SLC44A1: variants seen among roughly 807,000 people sequenced by gnomAD.
SLC44A1 encodes the protein solute carrier family 44 member 1.
In SLC44A1, 26 loss-of-function variants were observed where a neutral mutation model predicts 79.3. The observed-to-expected ratio is 0.33, with a 90% CI of 0.24 to 0.46. The LOEUF (loss-of-function observed/expected upper bound fraction) is 0.46. Ranked by LOEUF, SLC44A1 falls within the 20% of genes least tolerant of loss-of-function variation. The pLI, the probability that SLC44A1 is intolerant of heterozygous loss-of-function variation, is 1.00. For missense variants in SLC44A1, 688 were observed against 798.1 expected (o/e 0.86, Z 1.66); for synonymous variants, 263 against 286.2 (o/e 0.92, Z 0.82).
intron 2 of SLC44A1, among the ~76,000 whole-genome samples, chr9:105,306,609 G>T (rs1831039410): frequency 7.2e-6 from 1 of 139,122 alleles, no homozygotes; most frequent in Admixed American, 8.1e-5. Context: ...AAGCTACTAA[G>T]AAGTTTAAGT....
intron 15 of SLC44A1, 156 bp downstream of exon 15, chr9:105,385,658 T>G: frequency 2.0e-6 from 2 of 985,386 alleles, no homozygotes; most frequent in Non-Finnish European, 1.2e-6. Context: ...TACCCATCAC[T>G]TGGATGGCAG....
At chr9:105,264,604 T>C (rs1049928802) in intron 1 of SLC44A1, among the ~76,000 whole-genome samples, 1 of 152,246 alleles carries the variant, frequency 6.6e-6, no homozygotes, top group Non-Finnish European at 1.5e-5. Flanking sequence ...TATGCACTTA[T>C]AACTAATTGG....
At chr9:105,373,428 A>T (rs1828175464) in intron 12 of SLC44A1, among the ~76,000 whole-genome samples, 1 of 152,218 alleles carries the variant, frequency 6.6e-6, no homozygotes, top group Non-Finnish European at 1.5e-5. Context: ...TGGAAAAAAA[A>T]ATCAGTCTGT....
intron 15 of SLC44A1, among the ~76,000 whole-genome samples, chr9:105,387,710 T>C (rs1268138262): frequency 6.6e-6 from 1 of 152,178 alleles, no homozygotes; most frequent in Non-Finnish European, 1.5e-5. Flanking sequence ...GGGAGAAATA[T>C]TTCGAGGTTG....
chr9:105,281,790 A>G (rs1179394197), intron 1 of SLC44A1, among the ~76,000 whole-genome samples: 3 of 152,178 alleles, frequency 2.0e-5, no homozygotes, highest in Admixed American at 6.5e-5. Context: ...TCTTGGGTGG[A>G]CTTTGTGGAA....
At chr9:105,419,642 C>T (rs975571742) in intron 15 of SLC44A1, among the ~76,000 whole-genome samples, 2 of 152,112 alleles carry the variant, frequency 1.3e-5, no homozygotes, top group Non-Finnish European at 1.5e-5. Flanking sequence ...TAGCTGGGCG[C>T]GGTGGCCCAC....
Position 105,365,607 on chromosome 9 carries a change from C to T in SLC44A1, c.1378C>T (p.Leu460Phe). The T allele has an allele frequency of 6.2e-7, 1 of 1,613,766 alleles. No individual in the cohort carries two copies. The highest frequency in any genetic ancestry group is 8.5e-7 in the Non-Finnish European group (1 of 1,179,756). ...ITLVKIPRMI[L>F]MYIHSQLKGK... ...ATTAGTCAAAATTCCGCGAATGATC[C>T]TTATGTATATTCACAGTCAGCTCAA... is the stretch of plus-strand genomic sequence containing the variant. The change falls in exon 11 of 16, where the codon CTT (leucine) becomes TTT (phenylalanine). Residue 460 changes from leucine (L) to phenylalanine (F), a missense_variant. Coordinates refer to ENST00000374720, the MANE Select transcript of SLC44A1 (RefSeq NM_080546.5).
chr9:105,371,004 A>T (rs970556967), intron 12 of SLC44A1, among the ~76,000 whole-genome samples: 1 of 152,190 alleles, frequency 6.6e-6, no homozygotes, highest in African/African-American at 2.4e-5. Flanking sequence ...TAGTCTCTTG[A>T]TTATATCTTA....
At chr9:105,404,789 C>G (rs923599047) in intron 15 of SLC44A1, among the ~76,000 whole-genome samples, 13 of 152,206 alleles carry the variant, frequency 8.5e-5, no homozygotes, top group African/African-American at 2.9e-4. Flanking sequence ...GTCTCTGCCT[C>G]TTGCTGTAGA....
intron 1 of SLC44A1, among the ~76,000 whole-genome samples, chr9:105,282,913 A>G (rs1156691482): frequency 6.6e-6 from 1 of 152,178 alleles, no homozygotes; most frequent in Non-Finnish European, 1.5e-5. Context: ...ACGATATATC[A>G]TCTTCATATA....
intron 15 of SLC44A1, among the ~76,000 whole-genome samples, chr9:105,427,762 C>G (rs1418641102): frequency 1.3e-5 from 2 of 152,156 alleles, no homozygotes; most frequent in Non-Finnish European, 2.9e-5. Flanking sequence ...CCAAATTGCT[C>G]TCCAGAAAGG....
At chr9:105,334,467 A>G (rs113909391) in intron 3 of SLC44A1, among the ~76,000 whole-genome samples, 4,086 of 151,504 alleles carry the variant, frequency 0.027, 59 homozygotes, top group Middle Eastern at 0.062. Flanking sequence ...ATATTAGGTT[A>G]TATTTCCTGT....
chr9:105,309,909 A>G, intron 3 of SLC44A1, 43 bp downstream of exon 3: 1 of 1,582,580 alleles, frequency 6.3e-7, no homozygotes, highest in African/African-American at 1.3e-5. Flanking sequence ...AAACTTTGAA[A>G]GAGGCACAGA....
chr9:105,420,637 A>C (rs1271222252), intron 15 of SLC44A1, among the ~76,000 whole-genome samples: 1 of 152,080 alleles, frequency 6.6e-6, no homozygotes, highest in Non-Finnish European at 1.5e-5. Flanking sequence ...TGAAATGGGC[A>C]GATCACCTGA....
intron 3 of SLC44A1, among the ~76,000 whole-genome samples, chr9:105,323,295 A>G (rs968204773): frequency 6.6e-6 from 1 of 151,992 alleles, no homozygotes; most frequent in Non-Finnish European, 1.5e-5. Flanking sequence ...TGATTCTCTG[A>G]TATAAAAGCA....
chr9:105,390,495 GAA>G lies in SLC44A1; in HGVS notation c.*1441_*1442del, dbSNP rs1828739398. The G allele has an allele frequency of 2.3e-6, 2 of 876,954 alleles. No individual in the cohort carries two copies. Among genetic ancestry groups the G allele is most frequent in the Non-Finnish European group, 2.7e-6 (2 of 747,470 alleles). 54.3% of individuals were successfully genotyped at this position (876,954 alleles called of 1,614,324 possible). ...TCCATGGAAGGAGAATCTTTTGAAAGAAAGCATTGCCTCCTACCAGAACTAGA... is the reference window on the plus strand; with the variant it reads ...TCCATGGAAGGAGAATCTTTTGAAAGAGCATTGCCTCCTACCAGAACTAGA... On this transcript the variant is annotated 3_prime_UTR_variant, in exon 16 of 16. Transcript: ENST00000374720.
intron 1 of SLC44A1, among the ~76,000 whole-genome samples, chr9:105,276,872 T>TG (rs1253995230): frequency 1.3e-5 from 2 of 152,142 alleles, no homozygotes; most frequent in African/African-American, 4.8e-5. Flanking sequence ...TATAAAAACT[T>TG]GACTTTTGTT....
chr9:105,319,272 C>T (rs1172260371), intron 3 of SLC44A1, among the ~76,000 whole-genome samples: 1 of 152,072 alleles, frequency 6.6e-6, no homozygotes, highest in African/African-American at 2.4e-5. Flanking sequence ...TCACTGAACG[C>T]TACTGTACTC....
At chr9:105,321,964 T>A (rs564365429) in intron 3 of SLC44A1, among the ~76,000 whole-genome samples, 66 of 152,162 alleles carry the variant, frequency 4.3e-4, no homozygotes, top group Non-Finnish European at 7.9e-4. Context: ...ATTGATAGTA[T>A]AAATCACAGA....
Sources: gnomAD v4.1 joint callset for allele counts (sites outside exome capture counted in the v4.1 genomes callset) on GRCh38, gnomAD v4.1.1 for gene constraint, MANE v1.5 for transcripts, NCBI Gene and HGNC (gene_info 2026-07-23, HGNC 2026-07-21) for gene names.